The following BANP variants were observed in gnomAD, a reference collection of about 807,000 sequenced individuals.
The protein encoded by BANP is protein BANP.
In BANP, 11 loss-of-function variants were observed where a neutral mutation model predicts 68.1. That is an observed-to-expected ratio of 0.16 (90% CI 0.10 to 0.27). BANP has a LOEUF of 0.27. Among genes scored for constraint, BANP ranks in the 10% least tolerant of loss-of-function variants. BANP has a pLI of 1.00. For synonymous variants in BANP, 329 were observed against 303.2 expected (o/e 1.09, Z -0.88); for missense variants, 504 against 722.7 (o/e 0.70, Z 3.47).
rs1032652565 is a variant in BANP, at chr16:87,987,449, T to C, written c.362+3190T>C. 1.8e-4 allele frequency among the ~76,000 whole-genome samples: 28 copies of C among 151,760 alleles called. No individual in the cohort carries two copies. The Middle Eastern group carries it at 0.01, about 56-fold the overall frequency. Reference sequence around the variant, plus strand: ...ATGACTTTTAAAGAAGGAGGCTGGGTGCGATGGCTCACACCTATAATTCCA... The same window carrying C: ...ATGACTTTTAAAGAAGGAGGCTGGGCGCGATGGCTCACACCTATAATTCCA... On this transcript the variant is annotated intron_variant, in intron 4 of 13. Coordinates refer to ENST00000682872, the MANE Select transcript of BANP (RefSeq NM_001386991.1).
chr16:87,983,955 G>T, intron 3 of BANP, 105 bp from the exon 4 acceptor site: 2 of 1,421,716 alleles, frequency 1.4e-6, no homozygotes, highest in South Asian at 2.9e-5. Context: ...TGTTCTGTCT[G>T]AATAGATAGA....
At chr16:87,980,898 A>T in intron 2 of BANP, 138 bp from the exon 3 acceptor site, 2 of 636,206 alleles carry the variant, frequency 3.1e-6, no homozygotes, top group East Asian at 2.8e-5. Context: ...GAATAAGTTT[A>T]AAAAGGTGAA....
chr16:87,987,712 C>CAAAAAAAAAAAAAAAAAAAAAAAAAA (rs66648819), intron 4 of BANP, among the ~76,000 whole-genome samples: 7 of 30,368 alleles, frequency 2.3e-4, no homozygotes, highest in East Asian at 1.1e-3. Context: ...GACCCTAACT[C>CAAAAAAAAAAAAAAAAAAAAAAAAAA]AAAAAAAAAA....
rs1439371872 is a variant in BANP at position 88,004,379 on chromosome 16, G to C, written c.447G>C (p.Arg149Ser). 2.6e-6 allele frequency: 4 copies of C among 1,545,712 alleles called. No homozygotes were observed. Among genetic ancestry groups the C allele is most frequent in the Non-Finnish European group, 3.5e-6 (4 of 1,143,236 alleles). ...AGATGGAAGACCCCTTGAGCAACAG[G>C]GCACCGGATTCCCTGGAAAATGTCA... ...VAKMEDPLSN[R>S]APDSLENVIS... The change falls in exon 5 of 14, where the codon AGG (arginine) becomes AGC (serine). Residue 149 changes from arginine to serine, a missense_variant. Arg to Ser is a moderately radical substitution (Grantham distance 110). Transcript: ENST00000682872. This position sits in a 1 kb window ranked among gnomAD's most constrained non-coding sequence, Gnocchi z 7.0.
At position 87,958,420 on chromosome 16, in the gene BANP, G is replaced by A. The variant is rs75897149; in HGVS notation, c.-69+6905G>A. On this transcript the variant is annotated intron_variant, in intron 1 of 13. Transcript: ENST00000682872. Reference sequence around the variant, plus strand: ...TGAGTGTATGAACTTACCATCGTAGGCCCCAGTCGAGAGCGTGGAAACCAC... The same window carrying A: ...TGAGTGTATGAACTTACCATCGTAGACCCCAGTCGAGAGCGTGGAAACCAC... Among the ~76,000 whole-genome samples, 1,051 of 152,312 alleles carry A rather than the reference G, an allele frequency of 6.9e-3. 16 individuals carry two copies. Among genetic ancestry groups the A allele is most frequent in the African/African-American group, 0.024 (1,017 of 41,578 alleles).
chr16:88,057,075 T>C lies in BANP; in HGVS notation c.1312-8192T>C, dbSNP rs1395271118. Among the ~76,000 whole-genome samples, 5 of 152,228 alleles carry C rather than the reference T, an allele frequency of 3.3e-5. No individual in the cohort carries two copies. Among genetic ancestry groups the C allele is most frequent in the Non-Finnish European group, 7.3e-5 (5 of 68,038 alleles). On this transcript the variant is annotated intron_variant, in intron 11 of 13. Transcript: ENST00000682872. The surrounding 1 kb of genome is among the most constrained non-coding windows in gnomAD (Gnocchi z 4.6). Reference sequence around the variant, plus strand: ...TGGTGGGATCCAAATGTGAGAACTTTTTCTGAATAAGGGAGTTTTGGTGAT... The same window carrying C: ...TGGTGGGATCCAAATGTGAGAACTTCTTCTGAATAAGGGAGTTTTGGTGAT...
At chr16:88,042,376 G>T (rs979585427) in intron 11 of BANP, among the ~76,000 whole-genome samples, 3 of 152,190 alleles carry the variant, frequency 2.0e-5, no homozygotes, top group Non-Finnish European at 4.4e-5. Flanking sequence ...GCCCTCCAGC[G>T]CTGTGTCTCA....
At chr16:88,043,433 G>T (rs1459426532) in intron 11 of BANP, among the ~76,000 whole-genome samples, 2 of 152,230 alleles carry the variant, frequency 1.3e-5, no homozygotes, top group African/African-American at 2.4e-5. Context: ...CTCACTGGGG[G>T]TGTGAGGCAT....
chr16:87,963,889 T>G (rs1377423984), intron 1 of BANP, among the ~76,000 whole-genome samples: 1 of 152,268 alleles, frequency 6.6e-6, no homozygotes, highest in Admixed American at 6.5e-5. Flanking sequence ...GGTTTCCTTT[T>G]AGTCCTCTTT....
rs547146975 is a variant in BANP at position 87,956,350 on chromosome 16, C to T, written c.-69+4835C>T. 1.5e-3 allele frequency among the ~76,000 whole-genome samples: 232 copies of T among 152,288 alleles called. 1 individual carries two copies. The highest frequency in any genetic ancestry group is 5.4e-3 in the African/African-American group (223 of 41,554). ...GAGATGAAAGCTTTAGAAGGTCCTC[C>T]CTGTGCCTGAGGTAGATAAACATCT... On this transcript the variant is annotated intron_variant, in intron 1 of 13. Transcript: ENST00000682872.
At chr16:88,017,340 T>C (rs7194829) in intron 6 of BANP, 147,294 of 152,486 alleles carry the variant, frequency 0.97, 71,321 homozygotes, top group East Asian at 1. Flanking sequence ...GGGAGACTCT[T>C]GCAGCCTCAC....
At chr16:88,016,747 A>T (rs1440943849) in intron 6 of BANP, among the ~76,000 whole-genome samples, 6 of 152,198 alleles carry the variant, frequency 3.9e-5, no homozygotes, top group Non-Finnish European at 7.3e-5. Flanking sequence ...TACAGGTGGA[A>T]TGTAATAGTG....
rs556076993 is a variant in BANP at position 88,021,150 on chromosome 16, C to T, written c.895+2483C>T. Among the ~76,000 whole-genome samples the T allele has an allele frequency of 1.4e-4, 21 of 152,206 alleles. 1 individual carries two copies. The highest frequency in any genetic ancestry group is 2.9e-4 in the African/African-American group (12 of 41,450). On this transcript the variant is annotated intron_variant, in intron 7 of 13. Coordinates refer to ENST00000682872, the MANE Select transcript of BANP (RefSeq NM_001386991.1). ...GGGCCACCACCCTCTCCCCTGGGCCCGCTGGCTTCGGGGCCATCCTCCAGA... is the reference window on the plus strand; with the variant it reads ...GGGCCACCACCCTCTCCCCTGGGCCTGCTGGCTTCGGGGCCATCCTCCAGA...
rs1332819036 is a variant in BANP, at chr16:88,057,304, T to C, written c.1312-7963T>C. On this transcript the variant is annotated intron_variant, in intron 11 of 13. Transcript: ENST00000682872. This position sits in a 1 kb window ranked among gnomAD's most constrained non-coding sequence, Gnocchi z 4.6. ...CTCTGTGGGGAGCAGCTAATGGATG[T>C]GTAGACTCTTTTGCCCCAAGAATTA... is the stretch of plus-strand genomic sequence containing the variant. 6.6e-6 allele frequency among the ~76,000 whole-genome samples: 1 copy of C among 152,160 alleles called. No individual in the cohort carries two copies. Among genetic ancestry groups the C allele is most frequent in the African/African-American group, 2.4e-5 (1 of 41,432 alleles).
At chr16:88,019,489 G>C (rs971880650) in intron 7 of BANP, among the ~76,000 whole-genome samples, 1 of 149,950 alleles carries the variant, frequency 6.7e-6, no homozygotes, top group Non-Finnish European at 1.5e-5. Context: ...ATCTGATCTC[G>C]AAACAGGGCG....
chr16:88,028,641 C>T (rs957321060), intron 8 of BANP, among the ~76,000 whole-genome samples: 8 of 152,166 alleles, frequency 5.3e-5, no homozygotes, highest in Non-Finnish European at 1.0e-4. Flanking sequence ...GGAATTCTGC[C>T]TTGGGACTTG....
Position 88,049,153 on chromosome 16 carries a change from G to A in BANP, c.1311+11142G>A, listed in dbSNP as rs117523428. ...GTCGGATCCCATGGGTTGAGGGCTC[G>A]GGGACTGCCGCCCAACCACACCAGT... is the stretch of plus-strand genomic sequence containing the variant. On this transcript the variant is annotated intron_variant, in intron 11 of 13. Coordinates refer to ENST00000682872, the MANE Select transcript of BANP (RefSeq NM_001386991.1). Among the ~76,000 whole-genome samples the A allele has an allele frequency of 1.2e-3, 180 of 152,228 alleles. 1 individual carries two copies. The highest frequency in any genetic ancestry group is 2.2e-3 in the Non-Finnish European group (148 of 68,020).
chr16:88,013,362 T>G (rs1234848827), intron 6 of BANP, among the ~76,000 whole-genome samples: 3 of 152,332 alleles, frequency 2.0e-5, no homozygotes, highest in African/African-American at 7.2e-5. Flanking sequence ...CCTCCCTCAG[T>G]GCAGTGTGAC....
At chr16:88,039,030 C>A (rs183649284) in intron 11 of BANP, among the ~76,000 whole-genome samples, 17 of 152,314 alleles carry the variant, frequency 1.1e-4, no homozygotes, top group Admixed American at 3.9e-4. Flanking sequence ...ACTCCCAGAG[C>A]GAGGTGCTTT....
Sources: gnomAD v4.1 joint callset for allele counts (sites outside exome capture counted in the v4.1 genomes callset) on GRCh38, gnomAD v4.1.1 for gene constraint, Gnocchi (gnomAD v3.1) non-coding constraint, MANE v1.5 for transcripts, NCBI Gene and HGNC (gene_info 2026-07-23, HGNC 2026-07-21) for gene names.